Variants in LGR6 observed in about 807,000 individuals in gnomAD.
The protein encoded by LGR6 is leucine-rich repeat-containing G protein-coupled receptor 6.
LGR6 carries 45 observed loss-of-function variants against 69.4 expected under a neutral mutation model. The observed-to-expected ratio is 0.65, with a 90% CI of 0.51 to 0.83. The LOEUF (loss-of-function observed/expected upper bound fraction) is 0.83, where lower values mean the gene tolerates loss of function less well. LGR6 is among the 40% of genes least tolerant of loss of function. The pLI is 0.00. For synonymous variants in LGR6, 538 were observed against 555.0 expected (o/e 0.97, Z 0.43); for missense variants, 1,108 against 1,246.7 (o/e 0.89, Z 1.68).
chr1:202,265,085 A>G (rs889187062), intron 4 of LGR6, among the ~76,000 whole-genome samples: 1 of 152,158 alleles, frequency 6.6e-6, no homozygotes, highest in Non-Finnish European at 1.5e-5. Context: ...CTGGGTGAGG[A>G]GAGAGAGAAA....
At chr1:202,231,051 C>A (rs1465944114) in intron 3 of LGR6, among the ~76,000 whole-genome samples, 1 of 152,162 alleles carries the variant, frequency 6.6e-6, no homozygotes, top group Admixed American at 6.5e-5. Context: ...GACTAAGGCT[C>A]TTAGAAGGCA....
intron 9 of LGR6, among the ~76,000 whole-genome samples, 194 bp downstream of exon 9, chr1:202,301,429 T>G (rs1225810642): frequency 6.6e-6 from 1 of 152,166 alleles, no homozygotes. Context: ...ATAGCCTCCC[T>G]CCACCTCCCT....
At chr1:202,226,506 ACCCTAGACAGTGCTC>A (rs1660562378) in intron 2 of LGR6, among the ~76,000 whole-genome samples, 1 of 152,004 alleles carries the variant, frequency 6.6e-6, no homozygotes, top group Non-Finnish European at 1.5e-5. Flanking sequence ...TGCCACCGTG[ACCCTAGACAGTGCTC>A]CCCAGGGATG....
chr1:202,312,931 GA>G (rs1017936965), intron 16 of LGR6, among the ~76,000 whole-genome samples: 24 of 151,310 alleles, frequency 1.6e-4, no homozygotes, highest in African/African-American at 2.7e-4. Context: ...AAGTGAATAA[GA>G]AAAAAAAAGT....
intron 4 of LGR6, among the ~76,000 whole-genome samples, chr1:202,239,149 C>G (rs1046220644): frequency 7.9e-5 from 12 of 152,152 alleles, no homozygotes; most frequent in African/African-American, 1.4e-4. Flanking sequence ...TAGGTGTCTT[C>G]CGGCCGGCTC....
rs1654318867 is a variant in LGR6, at chr1:202,318,280, G to T, written c.1977G>T (p.Leu659=). ...AVLGSEASVL[L]LTLAAVQCSV... Reference sequence around the variant, plus strand: ...TTGGGTCGGAGGCATCGGTGCTGCTGCTCACTCTGGCCGCAGTGCAGTGCA... The same window carrying T: ...TTGGGTCGGAGGCATCGGTGCTGCTTCTCACTCTGGCCGCAGTGCAGTGCA... The change falls in exon 18 of 18, where the codon CTG becomes CTT. Residue 659 remains leucine, a synonymous_variant. Coordinates refer to ENST00000367278, the MANE Select transcript of LGR6 (RefSeq NM_001017403.2). The T allele has an allele frequency of 6.2e-7, 1 of 1,603,122 alleles. No homozygotes were observed. The highest frequency in any genetic ancestry group is 8.5e-7 in the Non-Finnish European group (1 of 1,173,978).
chr1:202,306,251 G>A (rs760082142), intron 12 of LGR6, among the ~76,000 whole-genome samples: 5 of 152,212 alleles, frequency 3.3e-5, no homozygotes, highest in Non-Finnish European at 5.9e-5. Context: ...AGGTCACAAA[G>A]AAAATATCAC....
At chr1:202,239,541 T>A (rs1426105740) in intron 4 of LGR6, among the ~76,000 whole-genome samples, 1 of 151,928 alleles carries the variant, frequency 6.6e-6, no homozygotes, top group African/African-American at 2.4e-5. Context: ...GAAAGCAAGG[T>A]GATAGGGTTT....
At chr1:202,253,785 C>A (rs558172588) in intron 4 of LGR6, among the ~76,000 whole-genome samples, 2 of 146,718 alleles carry the variant, frequency 1.4e-5, no homozygotes, top group Non-Finnish European at 3.0e-5. Context: ...TATGCCACCA[C>A]GCCTGGCTAA....
chr1:202,225,020 T>C (rs1289099655), intron 1 of LGR6, among the ~76,000 whole-genome samples: 1 of 151,764 alleles, frequency 6.6e-6, no homozygotes, highest in Non-Finnish European at 1.5e-5. Flanking sequence ...GTAAAAAGAG[T>C]GGGTGAGATA....
At chr1:202,299,637 TA>T in intron 7 of LGR6, among the ~76,000 whole-genome samples, 1 of 152,082 alleles carries the variant, frequency 6.6e-6, no homozygotes, top group Non-Finnish European at 1.5e-5. Flanking sequence ...AAGAAAAACA[TA>T]ATGAGCAGAT....
At chr1:202,261,931 G>A (rs1444730727) in intron 4 of LGR6, among the ~76,000 whole-genome samples, 2 of 152,154 alleles carry the variant, frequency 1.3e-5, no homozygotes, top group Non-Finnish European at 2.9e-5. Context: ...TGATGGGGTT[G>A]TTTGTTTTTT....
At chr1:202,244,465 G>A (rs748423973) in intron 4 of LGR6, among the ~76,000 whole-genome samples, 3 of 152,190 alleles carry the variant, frequency 2.0e-5, no homozygotes, top group African/African-American at 7.2e-5. Context: ...GCAGAGCTGC[G>A]CTACCTCTGA....
At chr1:202,219,560 G>C (rs1660011834) in intron 1 of LGR6, among the ~76,000 whole-genome samples, 1 of 152,206 alleles carries the variant, frequency 6.6e-6, no homozygotes, top group African/African-American at 2.4e-5. Context: ...CTTCTTTATA[G>C]AGGTTAGGCC....
rs138583774 is a variant in LGR6, at chr1:202,251,065, GA to G, written c.428+15073del. On this transcript the variant is annotated intron_variant, in intron 4 of 17. Coordinates refer to ENST00000367278, the MANE Select transcript of LGR6 (RefSeq NM_001017403.2). Reference sequence around the variant, plus strand: ...GAGGTGGCATAGCAGACAGAGCTGAGAGGGGGAGTAAAAGCAGGAAAGCTAC... The same window carrying G: ...GAGGTGGCATAGCAGACAGAGCTGAGGGGGGAGTAAAAGCAGGAAAGCTAC... 3.6e-4 allele frequency among the ~76,000 whole-genome samples: 55 copies of G among 152,324 alleles called. No individual in the cohort carries two copies. In the East Asian group the frequency reaches 0.01, roughly 28 times the overall value.
In LGR6 at chr1:202,309,134, C is replaced by G. The variant is rs146356284; in HGVS notation, c.1364C>G (p.Ala455Gly). 11 of 1,614,052 alleles carry G rather than the reference C, an allele frequency of 6.8e-6. No individual in the cohort carries two copies. Among genetic ancestry groups the G allele is most frequent in the Non-Finnish European group, 9.3e-6 (11 of 1,180,016 alleles). Residue 455 changes from alanine to glycine, a missense_variant, in exon 15 of 18, where the codon GCT (alanine) becomes GGT (glycine). By Grantham distance (60) the Ala-to-Gly change is moderately conservative. Transcript: ENST00000367278. ...LMHLKLKGNL[A>G]LSQAFSKDSF... ...CATCTGAAGCTCAAAGGGAACCTTG[C>G]TCTCTCCCAGGCCTTCTCCAAGGAC...
intron 1 of LGR6, among the ~76,000 whole-genome samples, chr1:202,210,058 G>T (rs6669558): frequency 0.034 from 5,246 of 152,288 alleles, 271 homozygotes; most frequent in African/African-American, 0.11. Context: ...CTGCTCTGGT[G>T]GGGTATTTGG....
At chr1:202,282,794 G>A (rs1666112812) in intron 6 of LGR6, among the ~76,000 whole-genome samples, 2 of 152,226 alleles carry the variant, frequency 1.3e-5, no homozygotes, top group Admixed American at 6.5e-5. Context: ...CAGGGCATTT[G>A]GCTCAGCTGA....
intron 6 of LGR6, among the ~76,000 whole-genome samples, chr1:202,281,749 C>T (rs188216786): frequency 1.4e-4 from 22 of 152,084 alleles, no homozygotes; most frequent in Admixed American, 1.2e-3. Context: ...TCTTACCCCC[C>T]ACTTGCTCCA....
Sources: gnomAD v4.1 joint callset for allele counts (sites outside exome capture counted in the v4.1 genomes callset) on GRCh38, gnomAD v4.1.1 for gene constraint, MANE v1.5 for transcripts, NCBI Gene and HGNC (gene_info 2026-07-23, HGNC 2026-07-21) for gene names.